The following MAPK10 variants were observed in gnomAD, a reference collection of about 807,000 sequenced individuals.
MAPK10 encodes the protein mitogen-activated protein kinase 10, also known as JNK3 alpha protein kinase.
MAPK10 carries 25 observed loss-of-function variants against 59.3 expected under a neutral mutation model. The observed-to-expected ratio is 0.42, with a 90% CI of 0.31 to 0.59. The LOEUF is 0.59. Among genes scored for constraint, MAPK10 ranks in the 20% least tolerant of loss-of-function variants. The probability of loss-of-function intolerance (pLI) is 0.15; values close to 1 mark genes in which losing one functional copy is unlikely to be tolerated. For synonymous variants in MAPK10, 190 were observed against 200.5 expected (o/e 0.95, Z 0.44); for missense variants, 351 against 568.9 (o/e 0.62, Z 3.90).
intron 3 of MAPK10, 28 bp downstream of exon 3, chr4:86,194,308 C>T (rs201975310): frequency 4.4e-6 from 7 of 1,586,936 alleles, no homozygotes; most frequent in East Asian, 2.2e-5. Flanking sequence ...ATATACTGTA[C>T]CTTGTTTTAC....
In MAPK10 at chr4:86,067,682, A is replaced by G. The variant is rs1295557845; in HGVS notation, c.985+91T>C. The stretch of plus-strand genomic sequence containing the variant: ...ATGTGTCAACTAAAAATAAAAGGGA[A>G]CAAAGAGAAAGAGATAGAGGTCTCT... On this transcript the variant is annotated intron_variant, in intron 10 of 13. Transcript: ENST00000641462. 2.8e-6 allele frequency: 3 copies of G among 1,073,572 alleles called. No homozygotes were observed. In the East Asian group the frequency reaches 7.4e-5, roughly 26 times the overall value. 66.5% of individuals were successfully genotyped at this position (1,073,572 alleles called of 1,614,324 possible). A position where few individuals can be genotyped will look rare whatever the true frequency, so the allele number is the denominator to read the frequency against.
At chr4:86,477,905 C>G (rs556632808) in intron 1 of MAPK10, among the ~76,000 whole-genome samples, 1 of 152,300 alleles carries the variant, frequency 6.6e-6, no homozygotes, top group South Asian at 2.1e-4. Context: ...TGGACTGACC[C>G]TGACACCCAT....
intron 2 of MAPK10, among the ~76,000 whole-genome samples, chr4:86,299,802 T>C (rs1254282218): frequency 6.6e-6 from 1 of 152,202 alleles, no homozygotes; most frequent in Non-Finnish European, 1.5e-5. Context: ...CTTCCCATAA[T>C]CACTGTTCAT....
chr4:86,276,282 A>T (rs2094572821), intron 2 of MAPK10, among the ~76,000 whole-genome samples: 2 of 152,064 alleles, frequency 1.3e-5, no homozygotes, highest in African/African-American at 2.4e-5. Flanking sequence ...ATGGCCCCTG[A>T]CCACTAGCTG....
chr4:86,422,633 A>C (rs1382261499), intron 1 of MAPK10, among the ~76,000 whole-genome samples: 4 of 152,214 alleles, frequency 2.6e-5, no homozygotes, highest in Non-Finnish European at 5.9e-5. Context: ...ACGCCTGGTA[A>C]GCCAACAAGG....
chr4:86,576,398 G>A (rs996137136), intron 1 of MAPK10, among the ~76,000 whole-genome samples: 5 of 152,116 alleles, frequency 3.3e-5, no homozygotes, highest in African/African-American at 1.2e-4. Flanking sequence ...GGTGTGGCAG[G>A]TAGAGTAGTT....
intron 2 of MAPK10, among the ~76,000 whole-genome samples, chr4:86,201,697 G>A (rs1582673876): frequency 6.6e-6 from 1 of 151,572 alleles, no homozygotes; most frequent in Non-Finnish European, 1.5e-5. Context: ...TTAATTTTAT[G>A]AATTTATTTT....
chr4:86,491,156 A>C (rs1754425240), intron 1 of MAPK10, among the ~76,000 whole-genome samples: 1 of 152,204 alleles, frequency 6.6e-6, no homozygotes, highest in Non-Finnish European at 1.5e-5. Flanking sequence ...TGGCAGTCAG[A>C]GTAGCAGTGC....
intron 11 of MAPK10, 141 bp downstream of exon 11, chr4:86,064,125 T>C: frequency 2.1e-6 from 2 of 967,204 alleles, no homozygotes; most frequent in Non-Finnish European, 3.1e-6. Flanking sequence ...AAATAGCTTT[T>C]AGAGGGGCAG....
At position 86,464,819 on chromosome 4, in the gene MAPK10, C is replaced by CAA. The variant is rs56319235; in HGVS notation, c.-262-110177_-262-110176dup. Reference sequence around the variant, plus strand: ...TGGGCAACAGAGCGAGACTCTGTCTCAAAAAAAAAAAAAGAATGCACCCTT... The same window carrying CAA: ...TGGGCAACAGAGCGAGACTCTGTCTCAAAAAAAAAAAAAAAGAATGCACCCTT... On this transcript the variant is annotated intron_variant, in intron 1 of 4. Coordinates refer to the MAPK10 transcript ENST00000502302. Among the ~76,000 whole-genome samples, 608 of 137,060 alleles carry CAA rather than the reference C, an allele frequency of 4.4e-3. 9 individuals carry two copies. Among genetic ancestry groups the CAA allele is most frequent in the African/African-American group, 0.016 (557 of 35,908 alleles). 89.9% of individuals were successfully genotyped at this position (137,060 alleles called of 152,430 possible). A position where few individuals can be genotyped will look rare whatever the true frequency, so the allele number is the denominator to read the frequency against.
chr4:86,580,828 G>T (rs1326719846), intron 1 of MAPK10, among the ~76,000 whole-genome samples: 1 of 152,134 alleles, frequency 6.6e-6, no homozygotes, highest in East Asian at 1.9e-4. Context: ...AGTTGGTAGA[G>T]GAGAGAAAGA....
intron 1 of MAPK10, among the ~76,000 whole-genome samples, chr4:86,475,856 T>C (rs1457550434): frequency 6.6e-6 from 1 of 151,998 alleles, no homozygotes; most frequent in African/African-American, 2.4e-5. Flanking sequence ...CCATTCCTCC[T>C]TCTCCCTTAG....
chr4:86,467,625 T>A (rs1322405931), intron 1 of MAPK10, among the ~76,000 whole-genome samples: 5 of 152,160 alleles, frequency 3.3e-5, no homozygotes, highest in African/African-American at 1.2e-4. Context: ...GTTCAAGCGA[T>A]TCTCCTGCCT....
chr4:86,305,594 G>T (rs1015275564), intron 2 of MAPK10, among the ~76,000 whole-genome samples: 7 of 152,240 alleles, frequency 4.6e-5, no homozygotes, highest in Non-Finnish European at 7.4e-5. Context: ...TAAGGTGGGG[G>T]AATCACCTGA....
intron 11 of MAPK10, among the ~76,000 whole-genome samples, chr4:86,042,110 T>C (rs2041658444): frequency 6.6e-6 from 1 of 152,190 alleles, no homozygotes; most frequent in African/African-American, 2.4e-5. Flanking sequence ...ATGTGGCACA[T>C]ATACACCTTG....
At chr4:86,129,143 A>G (rs752042317) in intron 4 of MAPK10, among the ~76,000 whole-genome samples, 23 of 152,144 alleles carry the variant, frequency 1.5e-4, no homozygotes, top group Non-Finnish European at 2.9e-4. Flanking sequence ...AGATGTTAGC[A>G]TTAACTTGCT....
chr4:86,583,780 A>C (rs905850439), intron 1 of MAPK10, among the ~76,000 whole-genome samples: 1 of 152,248 alleles, frequency 6.6e-6, no homozygotes, highest in African/African-American at 2.4e-5. Context: ...AAAAGAGTTC[A>C]TATTCTGAGA....
intron 1 of MAPK10, among the ~76,000 whole-genome samples, chr4:86,397,923 G>A (rs569818709): frequency 3.5e-5 from 5 of 143,282 alleles, no homozygotes; most frequent in African/African-American, 1.0e-4. Context: ...CAATTGCCAT[G>A]TAGAAAATAT....
At chr4:86,141,554 G>A (rs965566010) in intron 4 of MAPK10, among the ~76,000 whole-genome samples, 5 of 152,098 alleles carry the variant, frequency 3.3e-5, no homozygotes, top group East Asian at 3.9e-4. Context: ...TTAACATTGC[G>A]CTATAGCATC....
Sources: allele counts gnomAD v4.1 joint callset (sites outside exome capture counted in the v4.1 genomes callset), GRCh38; gene constraint gnomAD v4.1.1; transcripts MANE v1.5; gene names NCBI Gene and HGNC (gene_info 2026-07-23, HGNC 2026-07-21).